Variants in PLEKHG1 observed in about 807,000 individuals in gnomAD.
PLEKHG1 encodes pleckstrin homology and RhoGEF domain containing G1, also known as pleckstrin homology domain-containing family G member 1.
In PLEKHG1, 44 loss-of-function variants were observed where a neutral mutation model predicts 100.8. That is an observed-to-expected ratio of 0.44 (90% CI 0.34 to 0.56). PLEKHG1 has a LOEUF of 0.56. Ranked by LOEUF, PLEKHG1 falls within the 20% of genes least tolerant of loss-of-function variation. The pLI is 0.01. For missense variants in PLEKHG1, 1,545 were observed against 1,720.9 expected, an observed-to-expected ratio of 0.90 and a Z score of 1.81; for synonymous variants, 640 against 662.5, an observed-to-expected ratio of 0.97 and a Z score of 0.52.
At chr6:150,633,461 G>A (rs769799306) in intron 1 of PLEKHG1, among the ~76,000 whole-genome samples, 2 of 152,220 alleles carry the variant, frequency 1.3e-5, no homozygotes, top group South Asian at 4.1e-4. Flanking sequence ...GGTGAAGCTG[G>A]TGGGAATCAG....
intron 2 of PLEKHG1, among the ~76,000 whole-genome samples, chr6:150,641,876 CAAAAAAAAA>C (rs71554473): frequency 1.3e-5 from 1 of 76,798 alleles, no homozygotes; most frequent in Non-Finnish European, 2.2e-5. Context: ...TGTGAAAAGG[CAAAAAAAAA>C]AAAAAAAAAA....
chr6:150,685,167 C>T (rs1053608563), intron 3 of PLEKHG1, among the ~76,000 whole-genome samples: 5 of 152,068 alleles, frequency 3.3e-5, no homozygotes, highest in Non-Finnish European at 7.4e-5. Context: ...TCTTCCAAGA[C>T]AGGACCAAAC....
At chr6:150,671,381 T>C (rs1298080891) in intron 3 of PLEKHG1, among the ~76,000 whole-genome samples, 1 of 152,190 alleles carries the variant, frequency 6.6e-6, no homozygotes, top group Non-Finnish European at 1.5e-5. Context: ...CCCTGTTCAC[T>C]GCATCCACAC....
At chr6:150,648,955 G>T (rs1443459208) in intron 2 of PLEKHG1, among the ~76,000 whole-genome samples, 11 of 151,982 alleles carry the variant, frequency 7.2e-5, no homozygotes, top group Non-Finnish European at 4.4e-5. Flanking sequence ...TTGGTTGGAT[G>T]TTAAGACCAA....
intron 3 of PLEKHG1, 88 bp from the exon 5 acceptor site, chr6:150,786,302 T>C: frequency 1.2e-6 from 1 of 847,950 alleles, no homozygotes; most frequent in Admixed American, 2.1e-5. Flanking sequence ...GTAAATGCCA[T>C]GGAAATGTTT....
intron 2 of PLEKHG1, among the ~76,000 whole-genome samples, chr6:150,761,123 T>TG (rs1562494992): frequency 8.7e-5 from 9 of 103,376 alleles, no homozygotes; most frequent in African/African-American, 4.1e-4. Flanking sequence ...TTTTTTTTTT[T>TG]GAGACAAAGT....
intron 15 of PLEKHG1, among the ~76,000 whole-genome samples, chr6:150,839,169 C>T (rs1025195947): frequency 4.6e-5 from 7 of 152,158 alleles, no homozygotes; most frequent in Admixed American, 2.6e-4. Flanking sequence ...GGCTAGAGTG[C>T]AGTGGCATGA....
intron 1 of PLEKHG1, chr6:150,626,016 T>C (rs1395938766): frequency 6.6e-6 from 1 of 151,990 alleles, no homozygotes; most frequent in Non-Finnish European, 1.5e-5. Context: ...ATGAAATATG[T>C]TGGGATGAGG....
At chr6:150,796,044 A>G (rs1786311343) in intron 5 of PLEKHG1, 142 bp downstream of exon 6, 1 of 570,850 alleles carries the variant, frequency 1.8e-6, no homozygotes, top group African/African-American at 1.8e-5. Flanking sequence ...ACGTGCTGAG[A>G]ACAGATTACA....
chr6:150,780,533 T>G (rs979361733), intron 3 of PLEKHG1, among the ~76,000 whole-genome samples: 1 of 152,322 alleles, frequency 6.6e-6, no homozygotes, highest in East Asian at 1.9e-4. Context: ...GGACAGTGGC[T>G]CTCACAGGTG....
At chr6:150,684,796 T>TG (rs1239170305) in intron 3 of PLEKHG1, among the ~76,000 whole-genome samples, 1 of 151,544 alleles carries the variant, frequency 6.6e-6, no homozygotes, top group East Asian at 1.9e-4. Context: ...AAGACAGGTT[T>TG]GGGATGGGGG....
At chr6:150,729,836 C>T (rs1303670402) in intron 1 of PLEKHG1, among the ~76,000 whole-genome samples, 1 of 152,114 alleles carries the variant, frequency 6.6e-6, no homozygotes, top group Non-Finnish European at 1.5e-5. Flanking sequence ...GCGGTGCCCC[C>T]TCCATGTTGC....
intron 15 of PLEKHG1, among the ~76,000 whole-genome samples, chr6:150,832,549 AT>A (rs1312546344): frequency 2.0e-5 from 3 of 152,120 alleles, no homozygotes; most frequent in Non-Finnish European, 4.4e-5. Flanking sequence ...TATATCAGTA[AT>A]TTTTTAGGAG....
At chr6:150,632,659 AAGG>A (rs965177009) in intron 1 of PLEKHG1, among the ~76,000 whole-genome samples, 2 of 150,276 alleles carry the variant, frequency 1.3e-5, no homozygotes, top group Non-Finnish European at 2.9e-5. Context: ...GCAAAAAACA[AAGG>A]AGAGAATAAT....
At chr6:150,686,505 G>C (rs948263991) in intron 3 of PLEKHG1, among the ~76,000 whole-genome samples, 2 of 152,130 alleles carry the variant, frequency 1.3e-5, no homozygotes, top group Non-Finnish European at 1.5e-5. Context: ...ATTTTTGCTT[G>C]TTGAAAAATT....
At chr6:150,801,987 G>A (rs2128664081) in intron 6 of PLEKHG1, among the ~76,000 whole-genome samples, 2 of 152,160 alleles carry the variant, frequency 1.3e-5, no homozygotes, top group East Asian at 3.9e-4. Flanking sequence ...TTATTTTTAT[G>A]ATACATTAAA....
chr6:150,653,770 T>C (rs544648612), intron 3 of PLEKHG1, among the ~76,000 whole-genome samples: 1 of 152,210 alleles, frequency 6.6e-6, no homozygotes, highest in East Asian at 1.9e-4. Context: ...GTAAATATTT[T>C]CTTTTTTAGA....
chr6:150,602,908 C>T (rs1008617790), intron 1 of PLEKHG1, among the ~76,000 whole-genome samples: 18 of 151,454 alleles, frequency 1.2e-4, no homozygotes, highest in African/African-American at 3.9e-4. Flanking sequence ...GGTGAAACCC[C>T]GTCTCTACTA....
At chr6:150,632,523 G>A (rs755666943) in intron 1 of PLEKHG1, among the ~76,000 whole-genome samples, 15 of 152,234 alleles carry the variant, frequency 9.9e-5, no homozygotes, top group Non-Finnish European at 1.9e-4. Context: ...GCCCCCAGGC[G>A]AGTGTTGCCT....
Sources: allele counts gnomAD v4.1 joint callset (sites outside exome capture counted in the v4.1 genomes callset), GRCh38; gene constraint gnomAD v4.1.1; transcripts MANE v1.5; gene names NCBI Gene and HGNC (gene_info 2026-07-23, HGNC 2026-07-21).